Variants in ST6GALNAC3 observed in about 807,000 individuals in gnomAD.
ST6GALNAC3 encodes the protein ST6 N-acetylgalactosaminide alpha-2,6-sialyltransferase 3, also known as alpha-N-acetylgalactosaminide alpha-2,6-sialyltransferase 3.
Under a neutral mutation model 32.7 loss-of-function variants are expected in ST6GALNAC3, and 25 were observed. The ratio of observed to expected loss-of-function variants is 0.76; its 90% CI spans 0.56 to 1.07. The LOEUF is 1.07. Ranked by LOEUF, ST6GALNAC3 falls within the 50% of genes least tolerant of loss-of-function variation. ST6GALNAC3 has a pLI of 0.00. For missense variants in ST6GALNAC3, 355 were observed against 382.4 expected, an observed-to-expected ratio of 0.93 and a Z score of 0.60; for synonymous variants, 129 against 133.1, an observed-to-expected ratio of 0.97 and a Z score of 0.21.
chr1:76,357,761 T>G (rs1320407625), intron 2 of ST6GALNAC3, among the ~76,000 whole-genome samples: 1 of 152,168 alleles, frequency 6.6e-6, no homozygotes, highest in Non-Finnish European at 1.5e-5. Context: ...TCAGCACAGA[T>G]GAGGGAATGA....
chr1:76,201,724 A>C (rs1181570913), intron 1 of ST6GALNAC3, among the ~76,000 whole-genome samples: 1 of 152,166 alleles, frequency 6.6e-6, no homozygotes, highest in Non-Finnish European at 1.5e-5. Context: ...AAGAGGAAAA[A>C]GAAGTGGAAA....
chr1:76,522,464 C>G (rs1662606329), intron 3 of ST6GALNAC3, among the ~76,000 whole-genome samples: 1 of 152,074 alleles, frequency 6.6e-6, no homozygotes, highest in Non-Finnish European at 1.5e-5. Flanking sequence ...CTTGCCTCCT[C>G]CCTTTCTTTT....
chr1:76,323,931 C>T (rs771781612), intron 2 of ST6GALNAC3, among the ~76,000 whole-genome samples: 19 of 151,980 alleles, frequency 1.3e-4, no homozygotes, highest in Non-Finnish European at 2.2e-4. Flanking sequence ...GTGACCTTGG[C>T]TGACTACGAC....
chr1:76,488,150 G>A (rs1262157296), intron 3 of ST6GALNAC3, among the ~76,000 whole-genome samples: 1 of 152,168 alleles, frequency 6.6e-6, no homozygotes. Context: ...AGGGCCTGGT[G>A]GAAGGTGTTT....
chr1:76,445,622 AT>A (rs2101529854), intron 3 of ST6GALNAC3, among the ~76,000 whole-genome samples: 1 of 152,242 alleles, frequency 6.6e-6, no homozygotes, highest in African/African-American at 2.4e-5. Context: ...TTTTGTGAAA[AT>A]TCTTTATTTT....
intron 2 of ST6GALNAC3, among the ~76,000 whole-genome samples, chr1:76,317,496 A>G (rs1259633281): frequency 6.6e-6 from 1 of 152,152 alleles, no homozygotes; most frequent in Admixed American, 6.6e-5. Context: ...AATTCTGAGA[A>G]GGTCAATAGG....
chr1:76,482,982 T>A (rs1372721268), intron 3 of ST6GALNAC3, among the ~76,000 whole-genome samples: 2 of 151,218 alleles, frequency 1.3e-5, no homozygotes, highest in Middle Eastern at 3.4e-3. Context: ...GGTGTTTGGT[T>A]TTTTGTCCTT....
chr1:76,608,320 A>G (rs1557622125), intron 3 of ST6GALNAC3, among the ~76,000 whole-genome samples: 1 of 152,226 alleles, frequency 6.6e-6, no homozygotes, highest in African/African-American at 2.4e-5. Flanking sequence ...CTATTATATG[A>G]CAAGTATTAC....
chr1:76,520,360 T>C (rs1238964550), intron 3 of ST6GALNAC3, among the ~76,000 whole-genome samples: 1 of 152,166 alleles, frequency 6.6e-6, no homozygotes, highest in Non-Finnish European at 1.5e-5. Context: ...GAGGTACTTC[T>C]CAGAATTCCC....
At chr1:76,107,685 C>T (rs1424601992) in intron 1 of ST6GALNAC3, among the ~76,000 whole-genome samples, 1 of 152,222 alleles carries the variant, frequency 6.6e-6, no homozygotes, top group Non-Finnish European at 1.5e-5. Context: ...CGCCAGCCCA[C>T]CTCCTGTTCA....
intron 3 of ST6GALNAC3, among the ~76,000 whole-genome samples, chr1:76,508,446 A>C (rs1008204689): frequency 1.3e-5 from 2 of 152,154 alleles, no homozygotes; most frequent in African/African-American, 4.8e-5. Flanking sequence ...TTATATAATG[A>C]CAGGAAAATT....
At chr1:76,108,515 A>G (rs1340042526) in intron 1 of ST6GALNAC3, among the ~76,000 whole-genome samples, 2 of 152,210 alleles carry the variant, frequency 1.3e-5, no homozygotes, top group Non-Finnish European at 2.9e-5. Flanking sequence ...AACTCAGCTC[A>G]GATTCTTTGA....
intron 3 of ST6GALNAC3, among the ~76,000 whole-genome samples, chr1:76,612,605 A>G (rs1015094777): frequency 6.6e-6 from 1 of 152,180 alleles, no homozygotes; most frequent in South Asian, 2.1e-4. Flanking sequence ...AGAAGGAAAC[A>G]GTACTTAAAA....
intron 1 of ST6GALNAC3, among the ~76,000 whole-genome samples, chr1:76,180,000 T>C (rs915013734): frequency 4.6e-5 from 7 of 152,354 alleles, no homozygotes; most frequent in African/African-American, 1.7e-4. Context: ...GCTTTACTTT[T>C]CTTCACTGCA....
chr1:76,112,393 G>A (rs559401358), intron 1 of ST6GALNAC3, among the ~76,000 whole-genome samples: 10 of 146,666 alleles, frequency 6.8e-5, no homozygotes, highest in South Asian at 2.1e-4. Flanking sequence ...CCTCCTTCCC[G>A]GACTGGGCGG....
intron 3 of ST6GALNAC3, among the ~76,000 whole-genome samples, chr1:76,516,999 A>G (rs954601786): frequency 5.3e-5 from 8 of 151,780 alleles, no homozygotes; most frequent in African/African-American, 9.7e-5. Flanking sequence ...TCCTTTTATC[A>G]TTTTCTTTTT....
intron 1 of ST6GALNAC3, among the ~76,000 whole-genome samples, chr1:76,155,974 G>A (rs1173569265): frequency 6.6e-6 from 1 of 152,058 alleles, no homozygotes. Flanking sequence ...TACCTTAGTT[G>A]TCATGTCTTC....
At chr1:76,097,412 A>G (rs1379292205) in intron 1 of ST6GALNAC3, among the ~76,000 whole-genome samples, 1 of 152,142 alleles carries the variant, frequency 6.6e-6, no homozygotes, top group Non-Finnish European at 1.5e-5. Flanking sequence ...TTATGATTTT[A>G]TAAGGGGCTT....
chr1:76,514,558 A>G (rs1226078851), intron 3 of ST6GALNAC3, among the ~76,000 whole-genome samples: 3 of 152,040 alleles, frequency 2.0e-5, no homozygotes, highest in Non-Finnish European at 4.4e-5. Flanking sequence ...GCAGAAATGG[A>G]TAAGTTCCAG....
Sources: allele counts gnomAD v4.1 joint callset (sites outside exome capture counted in the v4.1 genomes callset), GRCh38; gene constraint gnomAD v4.1.1; transcripts MANE v1.5; gene names NCBI Gene and HGNC (gene_info 2026-07-23, HGNC 2026-07-21).